ROR2: variants seen among roughly 807,000 people sequenced by gnomAD.
ROR2 encodes the protein tyrosine-protein kinase transmembrane receptor ROR2.
A neutral mutation model predicts 74.9 loss-of-function variants in ROR2; 33 were observed. The ratio of observed to expected loss-of-function variants is 0.44; its 90% CI spans 0.33 to 0.59. The LOEUF is 0.59. Among genes scored for constraint, ROR2 ranks in the 20% least tolerant of loss-of-function variants. The pLI is 0.02. For missense variants in ROR2, 1,216 were observed against 1,313.8 expected (o/e 0.93, Z 1.15); for synonymous variants, 586 against 558.7 (o/e 1.05, Z -0.69).
chr9:91,892,057 A>G (rs1486450679), intron 1 of ROR2, among the ~76,000 whole-genome samples: 2 of 151,146 alleles, frequency 1.3e-5, no homozygotes, highest in East Asian at 1.9e-4. Context: ...AAGAAGAAAA[A>G]AAAAAAAAAA....
intron 1 of ROR2, among the ~76,000 whole-genome samples, chr9:91,875,602 G>T (rs1383140333): frequency 6.6e-6 from 1 of 152,116 alleles, no homozygotes; most frequent in Non-Finnish European, 1.5e-5. Flanking sequence ...CATGAGAAAG[G>T]TCACAAGACG....
intron 1 of ROR2, among the ~76,000 whole-genome samples, chr9:91,915,093 C>A (rs1047508010): frequency 6.6e-6 from 1 of 152,150 alleles, no homozygotes; most frequent in African/African-American, 2.4e-5. Context: ...CCGTACCTCA[C>A]CCTGCTACCT....
chr9:91,845,877 CAAAAAAAAAAAAAAA>C (rs5899143), intron 1 of ROR2, among the ~76,000 whole-genome samples: 818 of 33,918 alleles, frequency 0.024, 18 homozygotes, highest in Non-Finnish European at 0.042. Flanking sequence ...GAATCCATCT[CAAAAAAAAAAAAAAA>C]AAAAAAAAAA....
At chr9:91,835,529 C>T (rs1302757461) in intron 1 of ROR2, among the ~76,000 whole-genome samples, 3 of 152,036 alleles carry the variant, frequency 2.0e-5, no homozygotes, top group African/African-American at 2.4e-5. Context: ...ACTCTCTCCA[C>T]GGCCCTGCTG....
intron 2 of ROR2, 68 bp from the exon 3 acceptor site, chr9:91,757,627 C>T (rs1442123516): frequency 1.9e-6 from 3 of 1,557,458 alleles, no homozygotes; most frequent in Non-Finnish European, 2.6e-6. Context: ...TACCTGGGGG[C>T]TCTGCTATGA....
chr9:91,904,622 C>CCA (rs1830764543), intron 1 of ROR2, among the ~76,000 whole-genome samples: 1 of 152,144 alleles, frequency 6.6e-6, no homozygotes, highest in African/African-American at 2.4e-5. Flanking sequence ...GGAGCAGCCA[C>CCA]CAACACTATA....
rs1836905862 is a variant in ROR2, at chr9:91,724,105, G to T, written c.2389C>A (p.Pro797Thr). Reference protein sequence around the residue: ...VGPKQKAPPFPQPQFIPMKGQ... With the variant: ...VGPKQKAPPFTQPQFIPMKGQ... ...TTCATGGGGATGAACTGGGGCTGTGGGAAGGGCGGGGCCTTCTGCTTGGGC... is the reference window on the plus strand; with the variant it reads ...TTCATGGGGATGAACTGGGGCTGTGTGAAGGGCGGGGCCTTCTGCTTGGGC... Residue 797 changes from proline (P) to threonine (T), a missense_variant, in exon 9 of 9, where the codon CCA (proline) becomes ACA (threonine). Physicochemically the swap from Pro to Thr is conservative, Grantham distance 38 (BLOSUM62 -1). Transcript: ENST00000375708. 6.2e-7 allele frequency: 1 copy of T among 1,610,986 alleles called. No individual in the cohort carries two copies. The highest frequency in any genetic ancestry group is 1.3e-5 in the African/African-American group (1 of 75,050).
intron 7 of ROR2, among the ~76,000 whole-genome samples, chr9:91,729,006 T>C (rs1293107764): frequency 6.6e-6 from 1 of 152,148 alleles, no homozygotes; most frequent in Non-Finnish European, 1.5e-5. Context: ...GATACAAGAT[T>C]CTAAGAATTG....
In ROR2 at chr9:91,723,505, A is replaced by G; in HGVS notation, c.*157T>C. On this transcript the variant is annotated 3_prime_UTR_variant, in exon 9 of 9. Transcript: ENST00000375708. ...AGGGCAGCTCTCTGTGTCAGAGGACAGAGAGGAGCAGGGCTCCACCTCACC... is the reference window on the plus strand; with the variant it reads ...AGGGCAGCTCTCTGTGTCAGAGGACGGAGAGGAGCAGGGCTCCACCTCACC... 8.5e-7 allele frequency: 1 copy of G among 1,181,712 alleles called. No homozygotes were observed. The highest frequency in any genetic ancestry group is 2.4e-5 in the East Asian group (1 of 42,186). The allele number at this position is 1,181,712 out of a possible 1,614,324, so 73.2% of individuals were successfully genotyped here. A position where few individuals can be genotyped will look rare whatever the true frequency, so the allele number is the denominator to read the frequency against.
intron 4 of ROR2, among the ~76,000 whole-genome samples, chr9:91,751,089 G>T (rs905282896): frequency 6.6e-6 from 1 of 152,080 alleles, no homozygotes; most frequent in Non-Finnish European, 1.5e-5. Context: ...ATGCACACCC[G>T]TAATCCTGCT....
At chr9:91,856,176 G>C (rs920474593) in intron 1 of ROR2, among the ~76,000 whole-genome samples, 1 of 152,164 alleles carries the variant, frequency 6.6e-6, no homozygotes, top group African/African-American at 2.4e-5. Flanking sequence ...GGGCAACATG[G>C]CAAGACCCTG....
intron 1 of ROR2, among the ~76,000 whole-genome samples, chr9:91,878,997 G>A (rs1036789745): frequency 1.3e-5 from 2 of 151,884 alleles, no homozygotes; most frequent in Middle Eastern, 3.4e-3. Flanking sequence ...AGCCGAGATC[G>A]CGCCACTGCA....
intron 1 of ROR2, among the ~76,000 whole-genome samples, chr9:91,881,725 C>T (rs1425061998): frequency 6.6e-6 from 1 of 152,120 alleles, no homozygotes; most frequent in East Asian, 1.9e-4. Flanking sequence ...GCCTCATTAG[C>T]GAAGGTGATT....
At chr9:91,834,562 G>A (rs570321637) in intron 1 of ROR2, among the ~76,000 whole-genome samples, 11 of 152,278 alleles carry the variant, frequency 7.2e-5, no homozygotes, top group African/African-American at 2.6e-4. Context: ...TCGTCAGCAG[G>A]GCTGCTCTGT....
intron 1 of ROR2, among the ~76,000 whole-genome samples, chr9:91,821,502 C>T (rs1828138816): frequency 6.6e-6 from 1 of 152,162 alleles, no homozygotes; most frequent in Non-Finnish European, 1.5e-5. Context: ...CTCAGCAACA[C>T]CTGCAGATCA....
At chr9:91,821,006 C>T (rs1030316565) in intron 1 of ROR2, among the ~76,000 whole-genome samples, 7 of 151,692 alleles carry the variant, frequency 4.6e-5, no homozygotes, top group African/African-American at 1.7e-4. Flanking sequence ...GAAGCTGAGG[C>T]AGGAGAATTG....
At chr9:91,805,230 G>T (rs1157400178) in intron 1 of ROR2, among the ~76,000 whole-genome samples, 1 of 152,210 alleles carries the variant, frequency 6.6e-6, no homozygotes, top group Non-Finnish European at 1.5e-5. Flanking sequence ...CTCGGCCTGG[G>T]ACAGTCACAT....
chr9:91,926,109 C>T (rs901269410), intron 1 of ROR2, among the ~76,000 whole-genome samples: 1 of 151,778 alleles, frequency 6.6e-6, no homozygotes, highest in East Asian at 1.9e-4. Flanking sequence ...AGGCCAGGCG[C>T]GGTGGCTCAC....
intron 1 of ROR2, among the ~76,000 whole-genome samples, chr9:91,842,527 C>T (rs991452188): frequency 6.6e-6 from 1 of 152,228 alleles, no homozygotes; most frequent in Non-Finnish European, 1.5e-5. Context: ...AGAGGCCAAT[C>T]GGACGCCACA....
Sources: gnomAD v4.1 joint callset for allele counts (sites outside exome capture counted in the v4.1 genomes callset) on GRCh38, gnomAD v4.1.1 for gene constraint, MANE v1.5 for transcripts, NCBI Gene and HGNC (gene_info 2026-07-23, HGNC 2026-07-21) for gene names.